The following PPP3CC variants were observed in gnomAD, a reference collection of about 807,000 sequenced individuals.
PPP3CC encodes protein phosphatase 3 catalytic subunit gamma.
A neutral mutation model predicts 60.3 loss-of-function variants in PPP3CC; 35 were observed. The ratio of observed to expected loss-of-function variants is 0.58; its 90% CI spans 0.44 to 0.77. PPP3CC has a LOEUF of 0.77. Among genes scored for constraint, PPP3CC ranks in the 30% least tolerant of loss-of-function variants. The pLI is 0.00. For missense variants in PPP3CC, 570 were observed against 628.9 expected (o/e 0.91, Z 1.00); for synonymous variants, 206 against 224.3 (o/e 0.92, Z 0.73).
chr8:22,475,609 C>T lies in PPP3CC; in HGVS notation c.357C>T (p.Gly119=). 1 of 1,612,840 alleles carries T rather than the reference C, an allele frequency of 6.2e-7. No individual in the cohort carries two copies. The highest frequency in any genetic ancestry group is 8.5e-7 in the Non-Finnish European group (1 of 1,179,270). The change falls in exon 3 of 14, where the codon GGC becomes GGT. Residue 119 remains glycine, a synonymous_variant. Transcript: ENST00000240139. ...TTCTGGGTGACTATGTGGACAGAGGCTATTTCAGTATAGAGGTAAAAATTA... is the reference window on the plus strand; with the variant it reads ...TTCTGGGTGACTATGTGGACAGAGGTTATTTCAGTATAGAGGTAAAAATTA... ...YLFLGDYVDR[G]YFSIECVLYL... is the part of the protein sequence containing the mutation.
intron 10 of PPP3CC, among the ~76,000 whole-genome samples, chr8:22,529,027 A>C (rs1839634666): frequency 1.3e-5 from 2 of 152,230 alleles, no homozygotes; most frequent in South Asian, 4.1e-4. Context: ...TCTCTTAACC[A>C]ATATTTATTA....
intron 1 of PPP3CC, among the ~76,000 whole-genome samples, chr8:22,470,163 C>T (rs549918559): frequency 4.0e-5 from 6 of 151,226 alleles, no homozygotes; most frequent in African/African-American, 1.5e-4. Context: ...ACTCTGTCAC[C>T]CAGGCTAGAG....
chr8:22,527,917 G>A (rs1295103240), intron 9 of PPP3CC, among the ~76,000 whole-genome samples: 1 of 152,144 alleles, frequency 6.6e-6, no homozygotes, highest in Non-Finnish European at 1.5e-5. Flanking sequence ...TTACAGGTGT[G>A]AGCCACCGTG....
At chr8:22,487,918 G>A (rs1436393367) in intron 3 of PPP3CC, among the ~76,000 whole-genome samples, 3 of 152,154 alleles carry the variant, frequency 2.0e-5, no homozygotes, top group Non-Finnish European at 4.4e-5. Flanking sequence ...TAATTGAGTG[G>A]TTGAACAGAT....
In PPP3CC at chr8:22,441,393, A is replaced by G. The variant is rs1304608889; in HGVS notation, c.-17A>G. 1 of 1,534,776 alleles carries G rather than the reference A, an allele frequency of 6.5e-7. No homozygotes were observed. On this transcript the variant is annotated 5_prime_UTR_variant, in exon 1 of 14. Transcript: ENST00000240139. ...CGTCCGGCGGGCTCCTGGAGCCTGG[A>G]GGAGGCCGAGGGGACCATGTCCGGG...
intron 10 of PPP3CC, 53 bp downstream of exon 10, chr8:22,528,630 T>C: frequency 8.2e-7 from 1 of 1,225,350 alleles, no homozygotes; most frequent in Non-Finnish European, 1.1e-6. Context: ...GTTTTGGTTT[T>C]AGTTGTTTTA....
chr8:22,448,170 C>A (rs1391496666), intron 1 of PPP3CC, among the ~76,000 whole-genome samples: 2 of 152,010 alleles, frequency 1.3e-5, no homozygotes, highest in African/African-American at 4.8e-5. Context: ...GACAGTTGGC[C>A]TGAACTCTAA....
intron 1 of PPP3CC, among the ~76,000 whole-genome samples, chr8:22,446,145 T>C (rs1836815683): frequency 6.6e-6 from 1 of 152,148 alleles, no homozygotes; most frequent in Non-Finnish European, 1.5e-5. Context: ...TATGGGAAAA[T>C]GTACAAATTA....
intron 3 of PPP3CC, among the ~76,000 whole-genome samples, chr8:22,489,392 C>T (rs1483940109): frequency 6.6e-6 from 1 of 151,332 alleles, no homozygotes; most frequent in Non-Finnish European, 1.5e-5. Flanking sequence ...TACTCCCTCT[C>T]CCCAGTATAC....
intron 12 of PPP3CC, among the ~76,000 whole-genome samples, chr8:22,536,783 G>T (rs776214723): frequency 1.3e-5 from 2 of 152,124 alleles, no homozygotes; most frequent in Non-Finnish European, 2.9e-5. Context: ...ACCTTTTATT[G>T]TTCATATAAC....
chr8:22,472,736 C>T (rs1464837561), intron 1 of PPP3CC, among the ~76,000 whole-genome samples: 4 of 152,150 alleles, frequency 2.6e-5, no homozygotes, highest in African/African-American at 2.4e-5. Flanking sequence ...TTTCACACTT[C>T]CTAAGGAGTT....
chr8:22,468,439 C>A (rs769172417), intron 1 of PPP3CC, among the ~76,000 whole-genome samples: 1 of 152,148 alleles, frequency 6.6e-6, no homozygotes, highest in African/African-American at 2.4e-5. Flanking sequence ...GGAAGCTTGA[C>A]ATAATATTTT....
At chr8:22,486,691 C>G (rs1459297720) in intron 3 of PPP3CC, among the ~76,000 whole-genome samples, 2 of 151,676 alleles carry the variant, frequency 1.3e-5, no homozygotes, top group South Asian at 2.1e-4. Flanking sequence ...GTACACCAAA[C>G]CTGGACATCT....
At chr8:22,478,593 G>C (rs1006654533) in intron 3 of PPP3CC, among the ~76,000 whole-genome samples, 6 of 152,138 alleles carry the variant, frequency 3.9e-5, no homozygotes, top group African/African-American at 1.2e-4. Flanking sequence ...TTTGTGCACA[G>C]ACATCATGTT....
intron 1 of PPP3CC, among the ~76,000 whole-genome samples, chr8:22,469,154 TAAAAA>T (rs899662680): frequency 6.6e-6 from 1 of 151,978 alleles, no homozygotes; most frequent in East Asian, 1.9e-4. Flanking sequence ...TGTTCAACCA[TAAAAA>T]AACAAAACAA....
rs746175324 is a variant in PPP3CC, at chr8:22,527,387, T to A, written c.944-5T>A. 4 of 1,613,774 alleles carry A rather than the reference T, an allele frequency of 2.5e-6. No homozygotes were observed. In the South Asian group the frequency reaches 4.4e-5, roughly 18 times the overall value. On this transcript the variant is annotated splice_polypyrimidine_tract_variant and splice_region_variant and intron_variant, in intron 8 of 13. Coordinates refer to ENST00000240139, the MANE Select transcript of PPP3CC (RefSeq NM_005605.5). ...GCCAGATTTTCTTGCTTTTTTCCTT[T>A]TTAGCTGCTGTGTTGAAATATGAAA...
chr8:22,446,763 G>A (rs965872961), intron 1 of PPP3CC, among the ~76,000 whole-genome samples: 3 of 125,974 alleles, frequency 2.4e-5, no homozygotes, highest in Admixed American at 1.1e-4. Context: ...CTGAGATTGC[G>A]CCACTGCACT....
rs972897576 is a variant in PPP3CC at position 22,495,606 on chromosome 8, T to A, written c.373-2395T>A. On this transcript the variant is annotated intron_variant, in intron 3 of 13. Coordinates refer to ENST00000240139, the MANE Select transcript of PPP3CC (RefSeq NM_005605.5). ...TTTGGGATGGAGTTTCTCTCCAGGC[T>A]GGAGTGCAATGGCGCTATCTCGGCT... is the stretch of plus-strand genomic sequence containing the variant. Among the ~76,000 whole-genome samples, 7 of 152,226 alleles carry A rather than the reference T, an allele frequency of 4.6e-5. No individual in the cohort carries two copies. In the East Asian group the frequency reaches 1.2e-3, roughly 25 times the overall value.
At chr8:22,524,356 T>C (rs1839485523) in intron 8 of PPP3CC, among the ~76,000 whole-genome samples, 1 of 152,206 alleles carries the variant, frequency 6.6e-6, no homozygotes, top group Non-Finnish European at 1.5e-5. Flanking sequence ...TTAAATCCGA[T>C]TTGGGTCAGT....
Sources: gnomAD v4.1 joint callset for allele counts (sites outside exome capture counted in the v4.1 genomes callset) on GRCh38, gnomAD v4.1.1 for gene constraint, MANE v1.5 for transcripts, NCBI Gene and HGNC (gene_info 2026-07-23, HGNC 2026-07-21) for gene names.